MRPL34: variants seen among roughly 807,000 people sequenced by gnomAD.
The protein encoded by MRPL34 is large ribosomal subunit protein bL34m.
MRPL34 carries 8 observed loss-of-function variants against 6.7 expected under a neutral mutation model. The ratio of observed to expected loss-of-function variants is 1.20; its 90% confidence interval spans 0.70 to 2.16. The LOEUF (loss-of-function observed/expected upper bound fraction) is 2.16. Among genes scored for constraint, MRPL34 ranks in the 30% most tolerant of loss-of-function variants. The pLI, the probability that MRPL34 is intolerant of heterozygous loss-of-function variation, is 0.00. For synonymous variants in MRPL34, 59 were observed against 55.1 expected, an observed-to-expected ratio of 1.07 and a Z score of -0.31; for missense variants, 146 against 125.5, an observed-to-expected ratio of 1.16 and a Z score of -0.78.
chr19:17,306,102 G>C, intron 1 of MRPL34, 64 bp from the exon 2 acceptor site: 3 of 1,492,088 alleles, frequency 2.0e-6, no homozygotes, highest in Non-Finnish European at 2.7e-6. Context: ...GGCTCAGAGA[G>C]GTTGAGCGCC....
chr19:17,301,534 T>C, upstream of MRPL34: 1 of 1,610,142 alleles, frequency 6.2e-7, no homozygotes, highest in South Asian at 1.1e-5. Flanking sequence ...ATCGCTGGAC[T>C]CGACGCTCTC....
upstream of MRPL34, among the ~76,000 whole-genome samples, chr19:17,299,729 A>G (rs146235862): frequency 2.2e-3 from 338 of 151,932 alleles, 4 homozygotes; most frequent in Admixed American, 0.015. Context: ...AAAATTTTAA[A>G]AATGTAAAAA....
At chr19:17,300,563 C>T (rs2074112678), upstream of MRPL34, among the ~76,000 whole-genome samples, 1 of 152,066 alleles carries the variant, frequency 6.6e-6, no homozygotes, top group South Asian at 2.1e-4. Context: ...CTGCAACCTC[C>T]ACCTCCTCGG....
chr19:17,301,738 G>A (rs1472597369), upstream of MRPL34: 15 of 1,260,518 alleles, frequency 1.2e-5, no homozygotes, highest in Non-Finnish European at 1.6e-5. Flanking sequence ...TTTGGGGAGC[G>A]CCAGATCAAG....
At chr19:17,295,129 C>A (rs1327448382) in intron 1 of MRPL34, among the ~76,000 whole-genome samples, 1 of 119,386 alleles carries the variant, frequency 8.4e-6, no homozygotes, top group Non-Finnish European at 1.6e-5. Context: ...GACGGAGTCT[C>A]GCTCTGTCGC....
upstream of MRPL34, chr19:17,300,704 C>G (rs1599525341): frequency 1.9e-6 from 2 of 1,030,278 alleles, no homozygotes; most frequent in East Asian, 2.5e-5. Context: ...TCCCGAACTC[C>G]CAACCTCAGG....
intron 1 of MRPL34, chr19:17,294,186 GCACGCCCACCAAGCGCTAC>G (rs1266906678): frequency 2.1e-6 from 3 of 1,395,768 alleles, no homozygotes; most frequent in Non-Finnish European, 2.9e-6. Flanking sequence ...CGGGAAGAAA[GCACGCCCACCAAGCGCTAC>G]CACGCCCCCC....
upstream of MRPL34, chr19:17,302,382 G>A (rs890721775): frequency 2.4e-4 from 36 of 150,372 alleles, no homozygotes; most frequent in African/African-American, 8.0e-4. Flanking sequence ...CATTCATTCA[G>A]GTATACACTA....
chr19:17,295,880 A>T (rs566118300), intron 1 of MRPL34, among the ~76,000 whole-genome samples: 1 of 151,818 alleles, frequency 6.6e-6, no homozygotes, highest in South Asian at 2.1e-4. Flanking sequence ...GCTAATTTTT[A>T]AAAATTTTTT....
upstream of MRPL34, chr19:17,301,038 C>T (rs777114980): frequency 2.2e-5 from 35 of 1,613,412 alleles, no homozygotes; most frequent in South Asian, 3.5e-4. Flanking sequence ...AGTCCAGCTG[C>T]TCCTTCCAGA....
At chr19:17,305,828 C>T (rs906437550), upstream of MRPL34, 7 of 1,498,892 alleles carry the variant, frequency 4.7e-6, no homozygotes, top group Middle Eastern at 1.7e-4. Flanking sequence ...TCCTTTGTTC[C>T]AGGGCTGGAG....
chr19:17,294,560 G>A (rs562055541), intron 1 of MRPL34: 3 of 1,610,958 alleles, frequency 1.9e-6, no homozygotes, highest in East Asian at 2.2e-5. Context: ...CTGCCGTGGG[G>A]TGCCCCCGAT....
chr19:17,302,558 C>T (rs2074125583), upstream of MRPL34, among the ~76,000 whole-genome samples: 1 of 152,188 alleles, frequency 6.6e-6, no homozygotes, highest in African/African-American at 2.4e-5. Flanking sequence ...GACTGAGCCA[C>T]AGAAAGCCTT....
rs564118631 is a variant in MRPL34, at chr19:17,296,335, T to G, written c.214+3481T>G. On this transcript the variant is annotated intron_variant, in intron 1 of 2. Coordinates refer to the MRPL34 transcript ENST00000595444. The stretch of plus-strand genomic sequence containing the variant: ...TTCCAAAGTGTTAAGATTATAGATA[T>G]GAGCCACTGTGCCCGGCCCTCATCA... 3 of 152,376 alleles carry G rather than the reference T, an allele frequency of 2.0e-5. No individual in the cohort carries two copies. The East Asian group carries it at 5.8e-4, about 29-fold the overall frequency. 9.4% of individuals were successfully genotyped at this position (152,376 alleles called of 1,614,324 possible). A position where few individuals can be genotyped will look rare whatever the true frequency, so the allele number is the denominator to read the frequency against.
chr19:17,294,711 T>C, intron 1 of MRPL34: 1 of 1,614,138 alleles, frequency 6.2e-7, no homozygotes, highest in Non-Finnish European at 8.5e-7. Context: ...CGACAAGCAG[T>C]GCAGGACGCA....
At chr19:17,292,897 G>C in intron 1 of MRPL34, 2 of 1,536,218 alleles carry the variant, frequency 1.3e-6, no homozygotes, top group Non-Finnish European at 1.8e-6. Flanking sequence ...GGCTTCCCTG[G>C]GACTCCGCCA....
intron 1 of MRPL34, chr19:17,294,448 G>T (rs778402701): frequency 6.2e-7 from 1 of 1,614,176 alleles, no homozygotes; most frequent in South Asian, 1.1e-5. Flanking sequence ...CACGTTGAAA[G>T]CGTTGCCCTC....
At chr19:17,294,468 C>G in intron 1 of MRPL34, 1 of 1,614,176 alleles carries the variant, frequency 6.2e-7, no homozygotes, top group South Asian at 1.1e-5. Flanking sequence ...CCTTTAACAG[C>G]TGCTTCTCCT....
chr19:17,301,594 C>A, upstream of MRPL34: 1 of 1,565,446 alleles, frequency 6.4e-7, no homozygotes, highest in Non-Finnish European at 8.6e-7. Flanking sequence ...ACAGAAGATA[C>A]CGTCGGTCAC....
Sources: allele counts gnomAD v4.1 joint callset (sites outside exome capture counted in the v4.1 genomes callset), GRCh38; gene constraint gnomAD v4.1.1; transcripts MANE v1.5; gene names NCBI Gene and HGNC (gene_info 2026-07-23, HGNC 2026-07-21).